LRCH3: variants seen among roughly 807,000 people sequenced by gnomAD.
The protein encoded by LRCH3 is DISP complex protein LRCH3.
In LRCH3, 68 loss-of-function variants were observed where a neutral mutation model predicts 104.5. That is an observed-to-expected ratio of 0.65 (90% CI 0.54 to 0.80). The LOEUF (loss-of-function observed/expected upper bound fraction) is 0.80, where lower values mean the gene tolerates loss of function less well. Ranked by LOEUF, LRCH3 falls within the 30% of genes least tolerant of loss-of-function variation. LRCH3 has a pLI of 0.00. For synonymous variants in LRCH3, 344 were observed against 361.3 expected, an observed-to-expected ratio of 0.95 and a Z score of 0.54; for missense variants, 951 against 953.9, an observed-to-expected ratio of 1.00 and a Z score of 0.04.
chr3:197,867,826 G>C (rs185114113), intron 17 of LRCH3, among the ~76,000 whole-genome samples: 4,811 of 152,190 alleles, frequency 0.032, 131 homozygotes, highest in Middle Eastern at 0.054. Flanking sequence ...CCGCACTCCA[G>C]CCTGGGTGAC....
chr3:197,837,514 G>C (rs1251659619), intron 9 of LRCH3, among the ~76,000 whole-genome samples: 2 of 152,168 alleles, frequency 1.3e-5, no homozygotes, highest in East Asian at 1.9e-4. Context: ...TTCACAACCA[G>C]TGAAGTATCT....
chr3:197,850,495 C>T, intron 12 of LRCH3: 1 of 1,591,530 alleles, frequency 6.3e-7, no homozygotes, highest in South Asian at 1.1e-5. Flanking sequence ...ACAATCTGTT[C>T]CTTTTCCATA....
In LRCH3 at chr3:197,883,669, A is replaced by AT. The variant is rs1560068745; in HGVS notation, c.*4dup. The AT allele has an allele frequency of 2.0e-6, 3 of 1,535,762 alleles. No individual in the cohort carries two copies. On this transcript the variant is annotated 3_prime_UTR_variant, in exon 21 of 21. Coordinates refer to ENST00000425562, the MANE Select transcript of LRCH3 (RefSeq NM_001365715.1). This position sits in a 1 kb window ranked among gnomAD's most constrained non-coding sequence, Gnocchi z 4.2. ...AGCACCAGTTATCTGCTGTTTGAGG[A>AT]TCCCCAGGACGGTGGGCACTGGCCT...
intron 16 of LRCH3, among the ~76,000 whole-genome samples, chr3:197,865,802 G>C (rs1164608963): frequency 1.4e-5 from 2 of 145,554 alleles, no homozygotes; most frequent in East Asian, 4.1e-4. Context: ...AAATTAAATT[G>C]GTTGCTCAGC....
In LRCH3 at chr3:197,883,305, T is replaced by G; in HGVS notation, c.2209-236T>G. The G allele has an allele frequency of 7.7e-7, 1 of 1,295,926 alleles. No individual in the cohort carries two copies. The highest frequency in any genetic ancestry group is 1.5e-5 in the African/African-American group (1 of 66,246). 80.3% of individuals were successfully genotyped at this position (1,295,926 alleles called of 1,614,324 possible). The stretch of plus-strand genomic sequence containing the variant: ...GTATAGATATATGCTACTTGTCAAT[T>G]TTCCAATTTTGAAAATGATCTGTAT... On this transcript the variant is annotated intron_variant, in intron 20 of 20. Transcript: ENST00000425562. This position sits in a 1 kb window ranked among gnomAD's most constrained non-coding sequence, Gnocchi z 4.2.
chr3:197,830,720 T>G, intron 6 of LRCH3, 50 bp from the exon 7 acceptor site: 1 of 1,473,040 alleles, frequency 6.8e-7, no homozygotes. Context: ...ATTTCAAATT[T>G]TAATTGTTAA....
chr3:197,799,851 C>G (rs1731669954), intron 1 of LRCH3, among the ~76,000 whole-genome samples: 1 of 151,288 alleles, frequency 6.6e-6, no homozygotes, highest in Admixed American at 6.6e-5. Context: ...CCAGCCTGGG[C>G]AGCAGAGTGA....
At chr3:197,814,121 C>T (rs1370752189) in intron 1 of LRCH3, among the ~76,000 whole-genome samples, 1 of 152,126 alleles carries the variant, frequency 6.6e-6, no homozygotes, top group Non-Finnish European at 1.5e-5. Flanking sequence ...TAAAGACAGA[C>T]GTGAAACTGG....
Position 197,850,435 on chromosome 3 carries a change from T to C in LRCH3, c.1531-2126T>C, listed in dbSNP as rs1471445662. The C allele has an allele frequency of 1.9e-6, 3 of 1,548,568 alleles. No individual in the cohort carries two copies. In the African/African-American group the frequency reaches 4.1e-5, roughly 21 times the overall value. ...GCCGTAAGTTTTTGTTTCTTCAGTT[T>C]CTTCTGGGATATCTTTTTCTTCTGG... On this transcript the variant is annotated intron_variant, in intron 12 of 20. Coordinates refer to ENST00000425562, the MANE Select transcript of LRCH3 (RefSeq NM_001365715.1).
chr3:197,879,535 G>A (rs13061170), intron 20 of LRCH3, among the ~76,000 whole-genome samples: 8,884 of 147,506 alleles, frequency 0.06, 760 homozygotes, highest in African/African-American at 0.17. Flanking sequence ...AGTCCCAGCT[G>A]CTCGGGAGGC....
At chr3:197,874,024 G>GAAAAAA (rs34903890) in intron 19 of LRCH3, among the ~76,000 whole-genome samples, 1 of 112,296 alleles carries the variant, frequency 8.9e-6, no homozygotes. Context: ...TGTCTCAAAA[G>GAAAAAA]AAAAAAAAAA....
At chr3:197,879,385 G>A (rs958159474) in intron 20 of LRCH3, among the ~76,000 whole-genome samples, 11 of 152,126 alleles carry the variant, frequency 7.2e-5, no homozygotes, top group South Asian at 2.1e-4. Flanking sequence ...GGTGGCTCAC[G>A]CCTGTAATCC....
intron 8 of LRCH3, among the ~76,000 whole-genome samples, chr3:197,832,983 G>A (rs751570618): frequency 1.3e-5 from 2 of 151,982 alleles, no homozygotes; most frequent in Non-Finnish European, 2.9e-5. Context: ...TTGCTTATCC[G>A]AGGAGAGCTT....
At chr3:197,842,074 C>G (rs1489501818) in intron 10 of LRCH3, among the ~76,000 whole-genome samples, 1 of 152,092 alleles carries the variant, frequency 6.6e-6, no homozygotes, top group Non-Finnish European at 1.5e-5. Flanking sequence ...GATTGAAGTA[C>G]TAACCCTCCT....
intron 1 of LRCH3, among the ~76,000 whole-genome samples, chr3:197,804,873 C>T (rs1267296610): frequency 6.6e-6 from 1 of 151,774 alleles, no homozygotes; most frequent in South Asian, 2.1e-4. Context: ...ATCTGTACCT[C>T]GATTATCCAC....
In LRCH3 at chr3:197,883,802, T is replaced by TC; in HGVS notation, c.*136_*137insC. ...CCGTTCCCATGATTCCTAACAGGAA[T>TC]ATTTTGCTTCATTTCTCCATTTTAG... On this transcript the variant is annotated 3_prime_UTR_variant, in exon 21 of 21. Coordinates refer to ENST00000425562, the MANE Select transcript of LRCH3 (RefSeq NM_001365715.1). This position sits in a 1 kb window ranked among gnomAD's most constrained non-coding sequence, Gnocchi z 4.2. 2 of 964,650 alleles carry TC rather than the reference T, an allele frequency of 2.1e-6. No homozygotes were observed. Among genetic ancestry groups the TC allele is most frequent in the Non-Finnish European group, 1.4e-6 (1 of 720,486 alleles). 59.8% of individuals were successfully genotyped at this position (964,650 alleles called of 1,614,324 possible). A position where few individuals can be genotyped will look rare whatever the true frequency, so the allele number is the denominator to read the frequency against.
chr3:197,882,926 T>A (rs1713912184), intron 20 of LRCH3: 3 of 985,248 alleles, frequency 3.0e-6, no homozygotes, highest in South Asian at 9.4e-5. Flanking sequence ...AGATTTTTAA[T>A]TCAGACAGGC....
chr3:197,861,476 G>A (rs1304936770), intron 15 of LRCH3, among the ~76,000 whole-genome samples: 4 of 152,046 alleles, frequency 2.6e-5, no homozygotes, highest in African/African-American at 9.7e-5. Context: ...AAGTTGTGTG[G>A]TCCAGACAGA....
intron 1 of LRCH3, among the ~76,000 whole-genome samples, chr3:197,812,230 G>C (rs1733206113): frequency 6.6e-6 from 1 of 152,052 alleles, no homozygotes; most frequent in East Asian, 1.9e-4. Context: ...GAATTTGGCT[G>C]TTCTAGGGAC....
Sources: gnomAD v4.1 joint callset for allele counts (sites outside exome capture counted in the v4.1 genomes callset) on GRCh38, gnomAD v4.1.1 for gene constraint, Gnocchi (gnomAD v3.1) non-coding constraint, MANE v1.5 for transcripts, NCBI Gene and HGNC (gene_info 2026-07-23, HGNC 2026-07-21) for gene names.